Variants in PRR5L observed in about 807,000 individuals in gnomAD.
PRR5L encodes the protein proline-rich protein 5-like.
In PRR5L, 21 loss-of-function variants were observed where a neutral mutation model predicts 36.4. The observed-to-expected ratio is 0.58, with a 90% CI of 0.41 to 0.83. The LOEUF (loss-of-function observed/expected upper bound fraction) is 0.83, where lower values mean the gene tolerates loss of function less well. PRR5L is among the 40% of genes least tolerant of loss of function. The pLI, the probability that PRR5L is intolerant of heterozygous loss-of-function variation, is 0.00. For missense variants in PRR5L, 381 were observed against 473.3 expected (o/e 0.80, Z 1.81); for synonymous variants, 188 against 197.0 (o/e 0.95, Z 0.38).
intron 1 of PRR5L, among the ~76,000 whole-genome samples, chr11:36,388,587 T>G (rs1158276261): frequency 2.0e-5 from 3 of 152,164 alleles, no homozygotes; most frequent in African/African-American, 4.8e-5. Flanking sequence ...TTTACGCACA[T>G]GCAGTGAAAA....
chr11:36,312,779 A>G (rs1399788041), intron 1 of PRR5L, among the ~76,000 whole-genome samples: 1 of 152,240 alleles, frequency 6.6e-6, no homozygotes, highest in African/African-American at 2.4e-5. Context: ...TAGTTGCTCA[A>G]TAGCTTTTAG....
At chr11:36,395,331 A>C (rs191836216) in intron 1 of PRR5L, among the ~76,000 whole-genome samples, 26 of 152,396 alleles carry the variant, frequency 1.7e-4, no homozygotes, top group Non-Finnish European at 2.4e-4. Context: ...AGAAGGAAAG[A>C]AAAACATTAC....
At chr11:36,306,567 C>G (rs144692866) in intron 1 of PRR5L, among the ~76,000 whole-genome samples, 7 of 152,254 alleles carry the variant, frequency 4.6e-5, no homozygotes, top group African/African-American at 1.4e-4. Flanking sequence ...CTACTACCTT[C>G]GTTGTTGCTT....
At chr11:36,358,543 A>G (rs11605962) in intron 1 of PRR5L, among the ~76,000 whole-genome samples, 40,173 of 152,182 alleles carry the variant, frequency 0.26, 5,828 homozygotes, top group Non-Finnish European at 0.33. Context: ...ACTACGGTAT[A>G]GTATAAGCAT....
At chr11:36,459,776 T>C (rs999519582) in intron 8 of PRR5L, among the ~76,000 whole-genome samples, 1 of 152,192 alleles carries the variant, frequency 6.6e-6, no homozygotes, top group African/African-American at 2.4e-5. Context: ...GTGGTGCTGT[T>C]AGCCCCTCTC....
intron 3 of PRR5L, among the ~76,000 whole-genome samples, chr11:36,404,262 T>G (rs1857861290): frequency 1.4e-5 from 2 of 142,470 alleles, no homozygotes; most frequent in Middle Eastern, 3.5e-3. Flanking sequence ...GATCGATCCA[T>G]CAGGTCTTTT....
At chr11:36,411,290 TCCTTTA>T (rs768866720) in intron 3 of PRR5L, among the ~76,000 whole-genome samples, 36 of 152,110 alleles carry the variant, frequency 2.4e-4, no homozygotes, top group Non-Finnish European at 4.1e-4. Flanking sequence ...TAGTAATGCC[TCCTTTA>T]CCTTTAAGCC....
At chr11:36,453,184 G>A (rs1564954054) in intron 8 of PRR5L, among the ~76,000 whole-genome samples, 1 of 152,202 alleles carries the variant, frequency 6.6e-6, no homozygotes, top group Non-Finnish European at 1.5e-5. Context: ...GTAGAAGTGG[G>A]ATGGGATACC....
At chr11:36,312,573 G>A (rs1856514561) in intron 1 of PRR5L, among the ~76,000 whole-genome samples, 1 of 152,204 alleles carries the variant, frequency 6.6e-6, no homozygotes, top group East Asian at 1.9e-4. Flanking sequence ...TGATGGATAA[G>A]AGCATGGTCT....
intron 4 of PRR5L, among the ~76,000 whole-genome samples, chr11:36,427,116 C>T (rs1028009701): frequency 6.6e-6 from 1 of 152,210 alleles, no homozygotes; most frequent in Non-Finnish European, 1.5e-5. Context: ...GACGCCTTTC[C>T]CCAAACATCT....
Position 36,377,507 on chromosome 11 carries a change from C to T in PRR5L, c.-125-23490C>T, listed in dbSNP as rs1279509379. On this transcript the variant is annotated intron_variant, in intron 1 of 8. Coordinates refer to ENST00000530639, the MANE Select transcript of PRR5L (RefSeq NM_001160167.2). The surrounding 1 kb of genome is among the most constrained non-coding windows in gnomAD (Gnocchi z 5.1). ...CCCGGGCAGCTGGGACCCTGCCTGC[C>T]CAACCCTCCGGCCCATTTTCCTTGA... 3 of 152,374 alleles carry T rather than the reference C, an allele frequency of 2.0e-5. No individual in the cohort carries two copies. The highest frequency in any genetic ancestry group is 7.2e-5 in the African/African-American group (3 of 41,462). 9.4% of individuals were successfully genotyped at this position (152,374 alleles called of 1,614,324 possible).
intron 5 of PRR5L, among the ~76,000 whole-genome samples, chr11:36,435,659 C>CAGG (rs1858590168): frequency 6.6e-6 from 1 of 152,148 alleles, no homozygotes; most frequent in East Asian, 1.9e-4. Flanking sequence ...GATCAAGACC[C>CAGG]AGGAGGAGGA....
At chr11:36,404,270 T>G (rs11033590) in intron 3 of PRR5L, among the ~76,000 whole-genome samples, 11,406 of 130,880 alleles carry the variant, frequency 0.087, 544 homozygotes, top group Non-Finnish European at 0.12. Context: ...CATCAGGTCT[T>G]TTTTTTTTTT....
intron 1 of PRR5L, among the ~76,000 whole-genome samples, chr11:36,348,860 A>G (rs1420202317): frequency 6.6e-6 from 1 of 152,206 alleles, no homozygotes; most frequent in African/African-American, 2.4e-5. Context: ...TTAGTTAGCT[A>G]GCCCGTGACC....
In PRR5L at chr11:36,363,124, A is replaced by C. The variant is rs1442795338; in HGVS notation, c.-125-37873A>C. Among the ~76,000 whole-genome samples, 4 of 152,138 alleles carry C rather than the reference A, an allele frequency of 2.6e-5. No homozygotes were observed. The South Asian group carries it at 8.3e-4, about 32-fold the overall frequency. ...GCCTTTCCCAGACCACAGGCATCTC[A>C]GTGTGCCTGGGCATAGGATGAGGTG... On this transcript the variant is annotated intron_variant, in intron 1 of 8. Coordinates refer to ENST00000530639, the MANE Select transcript of PRR5L (RefSeq NM_001160167.2).
chr11:36,370,608 G>A (rs185501880), intron 1 of PRR5L, among the ~76,000 whole-genome samples: 115 of 152,276 alleles, frequency 7.6e-4, no homozygotes, highest in Non-Finnish European at 1.5e-3. Flanking sequence ...GAGGCCGGGC[G>A]AGGTGGCTCA....
intron 1 of PRR5L, among the ~76,000 whole-genome samples, chr11:36,400,207 A>C (rs1857762085): frequency 6.6e-6 from 1 of 152,212 alleles, no homozygotes; most frequent in Non-Finnish European, 1.5e-5. Context: ...ACTGTGCATG[A>C]CATAGAAGAG....
At chr11:36,394,321 T>C (rs1214914234) in intron 1 of PRR5L, 2 of 152,216 alleles carry the variant, frequency 1.3e-5, no homozygotes, top group African/African-American at 4.8e-5. Context: ...CCAGGAACCA[T>C]GCAAAGTACT....
At chr11:36,457,909 T>A (rs1426640757) in intron 8 of PRR5L, among the ~76,000 whole-genome samples, 3 of 152,154 alleles carry the variant, frequency 2.0e-5, no homozygotes, top group Non-Finnish European at 4.4e-5. Flanking sequence ...TCAAGGGCAT[T>A]TTTTTTAAGG....
Sources: gnomAD v4.1 joint callset for allele counts (sites outside exome capture counted in the v4.1 genomes callset) on GRCh38, gnomAD v4.1.1 for gene constraint, Gnocchi (gnomAD v3.1) non-coding constraint, MANE v1.5 for transcripts, NCBI Gene and HGNC (gene_info 2026-07-23, HGNC 2026-07-21) for gene names.